Variants in FAM3C observed in about 807,000 individuals in gnomAD.
FAM3C encodes the protein protein FAM3C.
Under a neutral mutation model 32.5 loss-of-function variants are expected in FAM3C, and 15 were observed. That is an observed-to-expected ratio of 0.46 (90% CI 0.31 to 0.71). The LOEUF is 0.71. FAM3C is among the 30% of genes least tolerant of loss of function. FAM3C has a pLI of 0.05. For synonymous variants in FAM3C, 75 were observed against 86.1 expected (o/e 0.87, Z 0.72); for missense variants, 175 against 274.4 (o/e 0.64, Z 2.56).
chr7:121,367,221 GATT>G (rs1011835998), intron 5 of FAM3C, among the ~76,000 whole-genome samples: 27 of 152,128 alleles, frequency 1.8e-4, no homozygotes, highest in Non-Finnish European at 8.8e-5. Flanking sequence ...TAAAGGAAAT[GATT>G]ATATCATCTG....
At chr7:121,383,245 A>G (rs1794394464) in intron 1 of FAM3C, among the ~76,000 whole-genome samples, 1 of 152,144 alleles carries the variant, frequency 6.6e-6, no homozygotes, top group African/African-American at 2.4e-5. Context: ...CCAAAGAGTA[A>G]AAGTGTGTTA....
At chr7:121,361,753 G>C (rs992406073) in intron 7 of FAM3C, among the ~76,000 whole-genome samples, 1 of 152,164 alleles carries the variant, frequency 6.6e-6, no homozygotes, top group African/African-American at 2.4e-5. Context: ...TCGGCTCACC[G>C]CAACTTCTGC....
intron 8 of FAM3C, among the ~76,000 whole-genome samples, chr7:121,354,166 CA>C (rs1292299497): frequency 6.6e-6 from 1 of 152,058 alleles, no homozygotes; most frequent in East Asian, 1.9e-4. Flanking sequence ...CAGGAAATGT[CA>C]AAATGCCCCT....
At position 121,352,020 on chromosome 7, in the gene FAM3C, AAAG is replaced by A. The variant is rs199981845; in HGVS notation, c.468-754_468-752del. Among the ~76,000 whole-genome samples the A allele has an allele frequency of 7.1e-3, 1,079 of 152,312 alleles. 13 individuals are homozygous for A. The highest frequency in any genetic ancestry group is 0.024 in the African/African-American group (1,000 of 41,574). ...TAAATGGTAGCTATAGAGCTTAAAA[AAAG>A]AAGAAGAAGAAAAAATTAAGGGCTA... On this transcript the variant is annotated intron_variant, in intron 8 of 9. Transcript: ENST00000359943.
intron 1 of FAM3C, among the ~76,000 whole-genome samples, chr7:121,385,001 G>A (rs1407107230): frequency 6.6e-5 from 10 of 151,972 alleles, no homozygotes. Context: ...ATCTTGTATG[G>A]GTGAGGGAAG....
intron 7 of FAM3C, among the ~76,000 whole-genome samples, 160 bp from the exon 8 acceptor site, chr7:121,360,287 C>T (rs1188411710): frequency 6.6e-6 from 1 of 152,088 alleles, no homozygotes; most frequent in East Asian, 1.9e-4. Flanking sequence ...AGTTTAAAAA[C>T]TGTTAAATTT....
chr7:121,384,052 T>G (rs1285079619), intron 1 of FAM3C, among the ~76,000 whole-genome samples: 2 of 152,172 alleles, frequency 1.3e-5, no homozygotes, highest in Non-Finnish European at 2.9e-5. Flanking sequence ...CATGCACTTT[T>G]TTTATTCACT....
chr7:121,390,241 A>G (rs780570829), intron 1 of FAM3C, among the ~76,000 whole-genome samples: 31 of 152,188 alleles, frequency 2.0e-4, no homozygotes, highest in South Asian at 4.1e-4. Flanking sequence ...CATTTTAACT[A>G]AACTCAGGAT....
At position 121,351,230 on chromosome 7, in the gene FAM3C, C is replaced by T. The variant is rs1793699002; in HGVS notation, c.507G>A (p.Gly169=). ...DEARRLIADL[G]STSITNLGFR... ...AACCAAGATTAGTAATAGATGTGCT[C>T]CCCAAATCAGCAATGAGCCGCCGTG... The change falls in exon 9 of 10, where the codon GGG becomes GGA. Residue 169 remains glycine (G), a synonymous_variant. Transcript: ENST00000359943. 6.2e-7 allele frequency: 1 copy of T among 1,613,526 alleles called. No individual in the cohort carries two copies. Among genetic ancestry groups the T allele is most frequent in the African/African-American group, 1.3e-5 (1 of 74,978 alleles).
chr7:121,378,699 T>C (rs1003489909), intron 3 of FAM3C, among the ~76,000 whole-genome samples: 1 of 126,032 alleles, frequency 7.9e-6, no homozygotes. Context: ...ATTACATATG[T>C]TCAAAATGTT....
At chr7:121,364,789 C>T (rs1196723311) in intron 5 of FAM3C, among the ~76,000 whole-genome samples, 2 of 152,086 alleles carry the variant, frequency 1.3e-5, no homozygotes, top group Non-Finnish European at 2.9e-5. Flanking sequence ...CCATGGGCAG[C>T]TCACAGACCA....
chr7:121,350,682 A>AT, intron 9 of FAM3C, 132 bp from the exon 10 acceptor site: 1 of 915,284 alleles, frequency 1.1e-6, no homozygotes, highest in East Asian at 2.6e-5. Flanking sequence ...ACTGGTCAAG[A>AT]TATTAAATGA....
intron 4 of FAM3C, 34 bp from the exon 5 acceptor site, chr7:121,371,457 A>G (rs1302148265): frequency 1.9e-6 from 3 of 1,608,624 alleles, no homozygotes; most frequent in Non-Finnish European, 2.6e-6. Context: ...CTTTTTTTAG[A>G]AAACAAGTTA....
intron 1 of FAM3C, among the ~76,000 whole-genome samples, chr7:121,395,825 C>G (rs920200406): frequency 6.6e-6 from 1 of 152,066 alleles, no homozygotes; most frequent in Non-Finnish European, 1.5e-5. Flanking sequence ...CCACAGCCAA[C>G]CTGGGGAAGA....
chr7:121,391,391 A>G (rs1218961690), intron 1 of FAM3C, among the ~76,000 whole-genome samples: 1 of 152,242 alleles, frequency 6.6e-6, no homozygotes, highest in Non-Finnish European at 1.5e-5. Flanking sequence ...GACAACAATA[A>G]AATGAAATAT....
At chr7:121,396,139 C>A (rs1458887265) in intron 1 of FAM3C, 23 bp downstream of exon 1, 1 of 153,788 alleles carries the variant, frequency 6.5e-6, no homozygotes, top group Non-Finnish European at 1.4e-5. Flanking sequence ...GCCCCGGCTC[C>A]GTCCGCCTCC....
At chr7:121,368,672 C>T (rs1391465800) in intron 5 of FAM3C, among the ~76,000 whole-genome samples, 2 of 152,076 alleles carry the variant, frequency 1.3e-5, no homozygotes, top group East Asian at 3.9e-4. Flanking sequence ...AAAGTCTCAA[C>T]CCTTTACCTG....
chr7:121,381,979 G>A (rs535801144), intron 2 of FAM3C, among the ~76,000 whole-genome samples: 64 of 152,258 alleles, frequency 4.2e-4, no homozygotes, highest in Admixed American at 1.6e-3. Flanking sequence ...GCATTTCTAA[G>A]AGATGCTCCC....
At chr7:121,369,298 A>G (rs1310844939) in intron 5 of FAM3C, among the ~76,000 whole-genome samples, 1 of 152,014 alleles carries the variant, frequency 6.6e-6, no homozygotes, top group East Asian at 1.9e-4. Context: ...ACAATTTATA[A>G]GTACGTATTT....
Sources: gnomAD v4.1 joint callset for allele counts (sites outside exome capture counted in the v4.1 genomes callset) on GRCh38, gnomAD v4.1.1 for gene constraint, MANE v1.5 for transcripts, NCBI Gene and HGNC (gene_info 2026-07-23, HGNC 2026-07-21) for gene names.